The following ROBO2 variants were observed in gnomAD, a reference collection of about 807,000 sequenced individuals.
ROBO2 encodes the protein roundabout guidance receptor 2.
Under a neutral mutation model 160.8 loss-of-function variants are expected in ROBO2, and 53 were observed. The ratio of observed to expected loss-of-function variants is 0.33; its 90% CI spans 0.26 to 0.41. ROBO2 has a LOEUF of 0.41. Among genes scored for constraint, ROBO2 ranks in the 10% least tolerant of loss-of-function variants. ROBO2 has a pLI of 1.00. For missense variants in ROBO2, 1,577 were observed against 1,722.4 expected (o/e 0.92, Z 1.49); for synonymous variants, 664 against 611.7 (o/e 1.09, Z -1.26).
intron 1 of ROBO2, among the ~76,000 whole-genome samples, chr3:77,060,099 C>A: frequency 6.7e-6 from 1 of 150,322 alleles, no homozygotes; most frequent in South Asian, 2.2e-4. Flanking sequence ...GTCTCTGAGT[C>A]CAGAGGGTAA....
intron 2 of ROBO2, among the ~76,000 whole-genome samples, chr3:76,298,657 A>C (rs1709204152): frequency 6.6e-6 from 1 of 152,194 alleles, no homozygotes; most frequent in Admixed American, 6.5e-5. Context: ...AACCCTCAAA[A>C]CAACCTCATG....
intron 2 of ROBO2, among the ~76,000 whole-genome samples, chr3:77,273,469 C>T (rs1433877763): frequency 6.6e-6 from 1 of 152,034 alleles, no homozygotes. Flanking sequence ...GTCTTAGATA[C>T]AAAAAATGAA....
chr3:77,143,249 AATCTT>A (rs1175892115), intron 2 of ROBO2, among the ~76,000 whole-genome samples: 4 of 140,012 alleles, frequency 2.9e-5, no homozygotes, highest in Non-Finnish European at 6.0e-5. Flanking sequence ...GCAGTGGTAC[AATCTT>A]GACAATCTTG....
chr3:77,076,339 T>C (rs1283796783), intron 1 of ROBO2, among the ~76,000 whole-genome samples: 1 of 152,184 alleles, frequency 6.6e-6, no homozygotes, highest in African/African-American at 2.4e-5. Flanking sequence ...TTTTAAATTA[T>C]AGCACCTAAT....
intron 2 of ROBO2, among the ~76,000 whole-genome samples, chr3:76,787,496 A>G (rs542470063): frequency 2.6e-4 from 40 of 151,346 alleles, no homozygotes; most frequent in Non-Finnish European, 5.2e-4. Context: ...GAAGCTACCA[A>G]AAATCTCATG....
chr3:77,372,295 GA>G (rs1352831884), intron 2 of ROBO2, among the ~76,000 whole-genome samples: 14 of 152,230 alleles, frequency 9.2e-5, no homozygotes, highest in African/African-American at 3.4e-4. Context: ...ATATTAAACG[GA>G]AAAGAGATGC....
At chr3:77,277,169 T>TTTCTTTCTTTCTTTCTTTCTTTC (rs2059906671) in intron 2 of ROBO2, among the ~76,000 whole-genome samples, 2 of 95,334 alleles carry the variant, frequency 2.1e-5, no homozygotes, top group African/African-American at 9.2e-5. Context: ...TCTTTCTTTC[T>TTTCTTTCTTTCTTTCTTTCTTTC]TTCTTTCTTT....
intron 2 of ROBO2, among the ~76,000 whole-genome samples, chr3:76,191,944 G>T (rs545134248): frequency 2.0e-5 from 3 of 151,808 alleles, no homozygotes; most frequent in Non-Finnish European, 4.4e-5. Flanking sequence ...ATGTATACAG[G>T]GTGAAACTCC....
intron 2 of ROBO2, among the ~76,000 whole-genome samples, chr3:76,232,560 G>A (rs1704684082): frequency 6.6e-6 from 1 of 152,132 alleles, no homozygotes; most frequent in South Asian, 2.1e-4. Flanking sequence ...TACATCGATT[G>A]CAAATATAAA....
intron 2 of ROBO2, among the ~76,000 whole-genome samples, chr3:76,909,335 C>T (rs538684081): frequency 5.9e-5 from 9 of 152,254 alleles, no homozygotes; most frequent in African/African-American, 1.4e-4. Context: ...CATGTGCACT[C>T]GCAGACACAC....
chr3:77,496,128 C>T (rs905666235), intron 5 of ROBO2, among the ~76,000 whole-genome samples: 2 of 152,210 alleles, frequency 1.3e-5, no homozygotes, highest in African/African-American at 4.8e-5. Context: ...TCCTTTAAAA[C>T]ATTTTCATAG....
In ROBO2 at chr3:76,185,569, G is replaced by T. The variant is rs150135416; in HGVS notation, c.109+247967G>T. Among the ~76,000 whole-genome samples the T allele has an allele frequency of 5.1e-3, 770 of 152,050 alleles. 8 individuals carry two copies. Among genetic ancestry groups the T allele is most frequent in the African/African-American group, 0.018 (748 of 41,496 alleles). ...ACAGGACCCAGGTGGCATGACTGCT[G>T]CCCAAATAGACAGAGAGAGCATTAA... is the stretch of plus-strand genomic sequence containing the variant. On this transcript the variant is annotated intron_variant, in intron 2 of 26. Coordinates refer to the ROBO2 transcript ENST00000487694.
intron 2 of ROBO2, among the ~76,000 whole-genome samples, chr3:77,446,308 C>G (rs909746564): frequency 2.0e-5 from 3 of 151,952 alleles, no homozygotes; most frequent in Non-Finnish European, 4.4e-5. Context: ...TTTATATGCT[C>G]TTTCTTACTT....
chr3:76,955,569 T>G (rs924951554), intron 2 of ROBO2, among the ~76,000 whole-genome samples: 4 of 152,164 alleles, frequency 2.6e-5, no homozygotes, highest in Non-Finnish European at 5.9e-5. Flanking sequence ...TGTTATGCAT[T>G]GTGGGTTTGA....
At chr3:76,108,604 G>A (rs1385892791) in intron 2 of ROBO2, among the ~76,000 whole-genome samples, 1 of 151,640 alleles carries the variant, frequency 6.6e-6, no homozygotes, top group African/African-American at 2.4e-5. Context: ...AGGTCTTAAA[G>A]TAGCCCAAAT....
At chr3:76,003,718 G>A (rs2065948659) in intron 2 of ROBO2, among the ~76,000 whole-genome samples, 1 of 152,180 alleles carries the variant, frequency 6.6e-6, no homozygotes, top group Non-Finnish European at 1.5e-5. Context: ...GGTTATACAG[G>A]ACCAGTGTTG....
chr3:76,975,573 AG>A (rs1215823394), intron 2 of ROBO2, among the ~76,000 whole-genome samples: 1 of 152,152 alleles, frequency 6.6e-6, no homozygotes, highest in African/African-American at 2.4e-5. Context: ...TTAACATTCC[AG>A]AAAATGGCAA....
chr3:76,209,507 A>G (rs918046588), intron 2 of ROBO2, among the ~76,000 whole-genome samples: 1 of 152,192 alleles, frequency 6.6e-6, no homozygotes, highest in South Asian at 2.1e-4. Flanking sequence ...AAAAACAGCA[A>G]TATCATAGTG....
Position 76,068,955 on chromosome 3 carries a change from AG to A in ROBO2, c.109+131355del, listed in dbSNP as rs534730260. Among the ~76,000 whole-genome samples, 370 of 152,330 alleles carry A rather than the reference AG, an allele frequency of 2.4e-3. 1 individual carries two copies. Among genetic ancestry groups the A allele is most frequent in the African/African-American group, 8.7e-3 (361 of 41,574 alleles). On this transcript the variant is annotated intron_variant, in intron 2 of 26. Coordinates refer to the ROBO2 transcript ENST00000487694. The stretch of plus-strand genomic sequence containing the variant: ...TTTACCTTATTAGCTGCTGCTTCCT[AG>A]GTTGCTTCGTTGACCACCATCTTCC...
Sources: allele counts gnomAD v4.1 joint callset (sites outside exome capture counted in the v4.1 genomes callset), GRCh38; gene constraint gnomAD v4.1.1; transcripts MANE v1.5; gene names NCBI Gene and HGNC (gene_info 2026-07-23, HGNC 2026-07-21).